The following LINGO1 variants were observed in gnomAD, a reference collection of about 807,000 sequenced individuals.
The protein encoded by LINGO1 is leucine-rich repeat and immunoglobulin-like domain-containing nogo receptor-interacting protein 1.
A neutral mutation model predicts 37.3 loss-of-function variants in LINGO1; 11 were observed. That is an observed-to-expected ratio of 0.29 (90% CI 0.19 to 0.49). The LOEUF is 0.49. Among genes scored for constraint, LINGO1 ranks in the 20% least tolerant of loss-of-function variants. The pLI is 0.99. For missense variants in LINGO1, 585 were observed against 878.2 expected (o/e 0.67, Z 4.22); for synonymous variants, 387 against 403.0 (o/e 0.96, Z 0.48).
chr15:77,713,069 A>G (rs4886899), intron 2 of LINGO1, among the ~76,000 whole-genome samples: 73,421 of 151,410 alleles, frequency 0.48, 17,987 homozygotes, highest in Admixed American at 0.59. Flanking sequence ...TTGAGACAGG[A>G]TCTTACTCTG....
At chr15:77,740,175 G>A (rs1357445498) in intron 1 of LINGO1, among the ~76,000 whole-genome samples, 2 of 152,210 alleles carry the variant, frequency 1.3e-5, no homozygotes, top group Non-Finnish European at 2.9e-5. Flanking sequence ...GTCAGGGAGG[G>A]CTTCCCTGAG....
upstream of LINGO1, chr15:77,787,809 T>C (rs1838916789): frequency 6.6e-6 from 1 of 152,128 alleles, no homozygotes; most frequent in South Asian, 2.1e-4. Flanking sequence ...ATCTCACAAA[T>C]AAGAATCCTT....
chr15:77,711,889 G>GC (rs1215632506), intron 2 of LINGO1, among the ~76,000 whole-genome samples: 4 of 152,040 alleles, frequency 2.6e-5, no homozygotes, highest in Middle Eastern at 3.4e-3. Flanking sequence ...TCTGAGGGGG[G>GC]GGCACACAGC....
chr15:77,776,011 C>T (rs544053282), intron 1 of LINGO1, among the ~76,000 whole-genome samples: 9 of 152,262 alleles, frequency 5.9e-5, no homozygotes, highest in South Asian at 4.2e-4. Flanking sequence ...TCCTCGTCAC[C>T]GCCTCCATGG....
upstream of LINGO1, among the ~76,000 whole-genome samples, chr15:77,791,309 G>C (rs530215682): frequency 6.6e-6 from 1 of 152,116 alleles, no homozygotes; most frequent in African/African-American, 2.4e-5. Flanking sequence ...GACCAGACAG[G>C]ATAGCTCACC....
At chr15:77,639,563 A>G (rs1252460760) in intron 3 of LINGO1, among the ~76,000 whole-genome samples, 2 of 152,020 alleles carry the variant, frequency 1.3e-5, no homozygotes, top group African/African-American at 4.8e-5. Context: ...AAAACAGGAA[A>G]TGGCCTAAGT....
chr15:77,798,466 C>T (rs2076891270), intron 1 of LINGO1, among the ~76,000 whole-genome samples: 1 of 152,242 alleles, frequency 6.6e-6, no homozygotes, highest in Non-Finnish European at 1.5e-5. Flanking sequence ...ATGAATGGGC[C>T]TCCCGCTCCC....
chr15:77,670,096 GAA>G (rs2075221557), intron 3 of LINGO1, among the ~76,000 whole-genome samples: 1 of 152,202 alleles, frequency 6.6e-6, no homozygotes, highest in African/African-American at 2.4e-5. Context: ...AAGCCAGGCA[GAA>G]AAGCCCACAT....
At chr15:77,669,263 C>T (rs1047716038) in intron 3 of LINGO1, among the ~76,000 whole-genome samples, 6 of 152,290 alleles carry the variant, frequency 3.9e-5, no homozygotes, top group Admixed American at 3.9e-4. Context: ...GGCTTAGGGT[C>T]GCCTCTGCTC....
chr15:77,691,741 A>G (rs1047848765), intron 1 of LINGO1, among the ~76,000 whole-genome samples: 11 of 152,120 alleles, frequency 7.2e-5, no homozygotes, highest in African/African-American at 2.7e-4. Flanking sequence ...GGAGCAATTC[A>G]CGGCACCCCT....
At chr15:77,807,637 A>G (rs565015664) in intron 1 of LINGO1, among the ~76,000 whole-genome samples, 1 of 152,324 alleles carries the variant, frequency 6.6e-6, no homozygotes, top group East Asian at 1.9e-4. Context: ...AGCAGTGCAG[A>G]GAACTCAAAA....
chr15:77,623,636 TGTCCGCCGTCTCCCCGGGGGTTG>T (rs2073991271), intron 1 of LINGO1, among the ~76,000 whole-genome samples: 1 of 152,170 alleles, frequency 6.6e-6, no homozygotes, highest in African/African-American at 2.4e-5. Flanking sequence ...AGGCAGCCAG[TGTCCGCCGTCTCCCCGGGGGTTG>T]GTCCGCCCCG....
At chr15:77,720,896 C>CGCCTCCCT (rs1340346941) in intron 2 of LINGO1, 1 of 152,290 alleles carries the variant, frequency 6.6e-6, no homozygotes, top group Non-Finnish European at 1.5e-5. Flanking sequence ...AAAGCCTCCC[C>CGCCTCCCT]GCCTCCCTCA....
intron 1 of LINGO1, among the ~76,000 whole-genome samples, chr15:77,752,029 C>T (rs1480250134): frequency 6.6e-6 from 1 of 152,250 alleles, no homozygotes; most frequent in African/African-American, 2.4e-5. Flanking sequence ...TCAGCTGTGT[C>T]TTGCCCAAGG....
At chr15:77,646,368 C>T (rs1019175736) in intron 3 of LINGO1, 1 of 439,106 alleles carries the variant, frequency 2.3e-6, no homozygotes, top group African/African-American at 2.0e-5. Context: ...CATTGGCACC[C>T]TCTGGTCTTG....
chr15:77,756,399 T>C lies in LINGO1; in HGVS notation c.-256-21346A>G, dbSNP rs995715880. On this transcript the variant is annotated intron_variant, in intron 1 of 3. Coordinates refer to the LINGO1 transcript ENST00000561686. ...ACAATCAAGCATGCATTCTCAGACATACACACAACACACACAATGACACAC... is the reference window on the plus strand; with the variant it reads ...ACAATCAAGCATGCATTCTCAGACACACACACAACACACACAATGACACAC... Among the ~76,000 whole-genome samples the C allele has an allele frequency of 2.6e-5, 4 of 151,604 alleles. No individual in the cohort carries two copies. The East Asian group carries it at 7.8e-4, about 29-fold the overall frequency.
intron 1 of LINGO1, among the ~76,000 whole-genome samples, chr15:77,815,630 G>T (rs1412115959): frequency 2.0e-5 from 3 of 152,130 alleles, no homozygotes; most frequent in Non-Finnish European, 2.9e-5. Flanking sequence ...CTGCATCTAT[G>T]ACTTCAGGAC....
At position 77,776,070 on chromosome 15, in the gene LINGO1, C is replaced by T. The variant is rs190414064; in HGVS notation, c.-257+10799G>A. On this transcript the variant is annotated intron_variant, in intron 1 of 3. Transcript: ENST00000561686. ...TGTCAGCCTGTGGCCGCCACCACCA[C>T]GGCTGTTTCCAGGGAGACAGTCTCC... is the stretch of plus-strand genomic sequence containing the variant. 6.6e-5 allele frequency among the ~76,000 whole-genome samples: 10 copies of T among 152,294 alleles called. No individual in the cohort carries two copies. In the East Asian group the frequency reaches 9.7e-4, roughly 15 times the overall value.
upstream of LINGO1, among the ~76,000 whole-genome samples, chr15:77,699,388 C>T: frequency 6.9e-6 from 1 of 145,662 alleles, no homozygotes; most frequent in Non-Finnish European, 1.5e-5. Context: ...ACAATAAGCA[C>T]ATACTAACCA....
Sources: allele counts gnomAD v4.1 joint callset (sites outside exome capture counted in the v4.1 genomes callset), GRCh38; gene constraint gnomAD v4.1.1; transcripts MANE v1.5; gene names NCBI Gene and HGNC (gene_info 2026-07-23, HGNC 2026-07-21).